The following CSMD1 variants were observed in gnomAD, a reference collection of about 807,000 sequenced individuals.
CSMD1 encodes the protein CUB and sushi domain-containing protein 1.
In CSMD1, 213 loss-of-function variants were observed where a neutral mutation model predicts 417.5. The observed-to-expected ratio is 0.51, with a 90% CI of 0.46 to 0.57. The LOEUF (loss-of-function observed/expected upper bound fraction) is 0.57. CSMD1 is among the 20% of genes least tolerant of loss of function. The probability of loss-of-function intolerance (pLI) is 0.00; values close to 1 mark genes in which losing one functional copy is unlikely to be tolerated. For synonymous variants in CSMD1, 2,862 were observed against 1,736.8 expected (o/e 1.65, Z -16.11); for missense variants, 6,923 against 4,529.7 (o/e 1.53, Z -15.17).
At chr8:3,824,189 G>A (rs1021357298) in intron 5 of CSMD1, among the ~76,000 whole-genome samples, 7 of 151,576 alleles carry the variant, frequency 4.6e-5, no homozygotes, top group African/African-American at 1.5e-4. Flanking sequence ...TGGAGATGAT[G>A]ACTAATTTAT....
chr8:3,947,190 G>A (rs1354929186), intron 5 of CSMD1, among the ~76,000 whole-genome samples: 1 of 152,184 alleles, frequency 6.6e-6, no homozygotes, highest in Non-Finnish European at 1.5e-5. Flanking sequence ...ACTGGGTTCA[G>A]GAGGTTTCTC....
chr8:3,068,566 A>T (rs1348996155), intron 49 of CSMD1, among the ~76,000 whole-genome samples: 2 of 151,874 alleles, frequency 1.3e-5, no homozygotes, highest in Admixed American at 6.5e-5. Flanking sequence ...TAGTTGGCTC[A>T]TGTTTCTGCA....
intron 1 of CSMD1, among the ~76,000 whole-genome samples, chr8:4,722,701 A>G (rs1809139378): frequency 6.6e-6 from 1 of 152,182 alleles, no homozygotes; most frequent in African/African-American, 2.4e-5. Flanking sequence ...TCTAATTTGA[A>G]TATGATGTCA....
intron 6 of CSMD1, among the ~76,000 whole-genome samples, chr8:3,731,381 G>C (rs536485552): frequency 6.6e-6 from 1 of 152,184 alleles, no homozygotes; most frequent in African/African-American, 2.4e-5. Context: ...CTAATACAGG[G>C]AGAAATGTTG....
At chr8:3,926,073 C>A (rs1179396654) in intron 5 of CSMD1, among the ~76,000 whole-genome samples, 1 of 111,138 alleles carries the variant, frequency 9.0e-6, no homozygotes. Context: ...CACACACACA[C>A]AAACACCATA....
At chr8:3,937,754 A>C (rs1315917908) in intron 5 of CSMD1, among the ~76,000 whole-genome samples, 1 of 152,152 alleles carries the variant, frequency 6.6e-6, no homozygotes, top group Non-Finnish European at 1.5e-5. Context: ...TTACTGATTA[A>C]GATGTAATAT....
intron 10 of CSMD1, chr8:3,515,267 G>A (rs1369280111): frequency 6.6e-6 from 1 of 152,120 alleles, no homozygotes; most frequent in Non-Finnish European, 1.5e-5. Context: ...CACTGTACCT[G>A]CTTTTTCTGG....
chr8:3,621,290 T>C (rs1036217794), intron 7 of CSMD1, among the ~76,000 whole-genome samples: 7 of 152,120 alleles, frequency 4.6e-5, no homozygotes, highest in Non-Finnish European at 8.8e-5. Flanking sequence ...AGGCGTTGAA[T>C]AGTAAGTTAA....
chr8:4,198,101 A>C (rs7013060), intron 3 of CSMD1, among the ~76,000 whole-genome samples: 19,032 of 152,228 alleles, frequency 0.13, 1,769 homozygotes, highest in African/African-American at 0.25. Context: ...AGTCTGAGTT[A>C]AGGTAAGTTT....
At chr8:4,981,868 TGTGGA>T (rs1810907889) in intron 1 of CSMD1, among the ~76,000 whole-genome samples, 1 of 152,126 alleles carries the variant, frequency 6.6e-6, no homozygotes, top group Non-Finnish European at 1.5e-5. Flanking sequence ...AGCACTCAAC[TGTGGA>T]GTCTCCCTCT....
chr8:3,574,500 G>A (rs1382881515), intron 10 of CSMD1, among the ~76,000 whole-genome samples: 1 of 152,114 alleles, frequency 6.6e-6, no homozygotes, highest in Non-Finnish European at 1.5e-5. Context: ...ACCCACTTTG[G>A]CCTCCCAAAG....
At chr8:4,467,314 C>G (rs554938043) in intron 2 of CSMD1, among the ~76,000 whole-genome samples, 1 of 152,092 alleles carries the variant, frequency 6.6e-6, no homozygotes, top group African/African-American at 2.4e-5. Flanking sequence ...AGTCACTATA[C>G]AGATTATTTA....
intron 50 of CSMD1, among the ~76,000 whole-genome samples, chr8:3,050,400 G>C (rs1811743179): frequency 6.6e-6 from 1 of 152,166 alleles, no homozygotes; most frequent in Non-Finnish European, 1.5e-5. Flanking sequence ...AGGAAATACA[G>C]ACTTTAAAAA....
rs115032366 is a variant in CSMD1 at position 3,826,544 on chromosome 8, G to A, written c.819-72502C>T. Among the ~76,000 whole-genome samples the A allele has an allele frequency of 9.2e-3, 1,394 of 152,124 alleles. 34 individuals are homozygous for A. The highest frequency in any genetic ancestry group is 0.031 in the African/African-American group (1,269 of 41,518). On this transcript the variant is annotated intron_variant, in intron 5 of 69. Coordinates refer to ENST00000635120, the MANE Select transcript of CSMD1 (RefSeq NM_033225.6). Reference sequence around the variant, plus strand: ...TCAGATGTTCTGTCTTCCAAGTCCCGGCTGATATGAGCGCCTCTCTCTGGG... The same window carrying A: ...TCAGATGTTCTGTCTTCCAAGTCCCAGCTGATATGAGCGCCTCTCTCTGGG...
intron 1 of CSMD1, among the ~76,000 whole-genome samples, chr8:4,711,857 G>C (rs1402387260): frequency 6.6e-6 from 1 of 152,144 alleles, no homozygotes; most frequent in Non-Finnish European, 1.5e-5. Flanking sequence ...AATGATCTTT[G>C]TTAATAAGAT....
chr8:4,013,557 G>A (rs2740941), intron 4 of CSMD1, among the ~76,000 whole-genome samples: 88,619 of 151,984 alleles, frequency 0.58, 26,106 homozygotes, highest in East Asian at 0.68. Context: ...CAGCTTCTCA[G>A]TGAGAACACT....
intron 8 of CSMD1, among the ~76,000 whole-genome samples, chr8:3,606,188 G>C (rs563370295): frequency 1.3e-5 from 2 of 152,194 alleles, no homozygotes; most frequent in African/African-American, 4.8e-5. Context: ...GGAGGACAGA[G>C]ATGGGCCAAG....
At chr8:3,711,575 C>G (rs1446343911) in intron 6 of CSMD1, among the ~76,000 whole-genome samples, 3 of 152,164 alleles carry the variant, frequency 2.0e-5, no homozygotes, top group African/African-American at 7.2e-5. Flanking sequence ...TCTGCCTCTT[C>G]ATGTGTGTGT....
chr8:4,056,297 C>T (rs139811994), intron 3 of CSMD1, among the ~76,000 whole-genome samples: 4,966 of 151,356 alleles, frequency 0.033, 271 homozygotes, highest in African/African-American at 0.11. Context: ...TGGCCTGGCT[C>T]GTCTCAAACT....
Sources: gnomAD v4.1 joint callset for allele counts (sites outside exome capture counted in the v4.1 genomes callset) on GRCh38, gnomAD v4.1.1 for gene constraint, MANE v1.5 for transcripts, NCBI Gene and HGNC (gene_info 2026-07-23, HGNC 2026-07-21) for gene names.